MROH2A: variants seen among roughly 807,000 people sequenced by gnomAD.
MROH2A encodes maestro heat like repeat family member 2A.
A neutral mutation model predicts 200.4 loss-of-function variants in MROH2A; 174 were observed. That is an observed-to-expected ratio of 0.87 (90% CI 0.77 to 0.98). The LOEUF (loss-of-function observed/expected upper bound fraction) is 0.98. Ranked by LOEUF, MROH2A falls within the 50% of genes least tolerant of loss-of-function variation. MROH2A has a pLI of 0.00. For missense variants in MROH2A, 2,045 were observed against 2,139.6 expected (o/e 0.96, Z 0.87); for synonymous variants, 829 against 840.4 (o/e 0.99, Z 0.23).
intron 38 of MROH2A, among the ~76,000 whole-genome samples, chr2:233,830,123 C>G (rs890230319): frequency 7.9e-5 from 12 of 152,308 alleles, no homozygotes; most frequent in African/African-American, 2.4e-4. Flanking sequence ...CTCAAAATAC[C>G]CCAAAGTGGT....
chr2:233,811,982 C>A (rs755468055), intron 24 of MROH2A, 23 bp downstream of exon 24: 22 of 1,499,900 alleles, frequency 1.5e-5, no homozygotes, highest in African/African-American at 5.1e-5. Flanking sequence ...CCCACCCTCA[C>A]CCCATCCCAA....
At chr2:233,804,833 T>C (rs11563243) in intron 18 of MROH2A, among the ~76,000 whole-genome samples, 171 bp from the exon 19 acceptor site, 1 of 151,816 alleles carries the variant, frequency 6.6e-6, no homozygotes, top group African/African-American at 2.4e-5. Flanking sequence ...GACCCACAGA[T>C]CATTATTAGC....
In MROH2A at chr2:233,800,286, A is replaced by G. The variant is rs1200527917; in HGVS notation, c.1531A>G (p.Ile511Val). The change falls in exon 14 of 42, where the codon ATT (isoleucine) becomes GTT (valine). Residue 511 changes from isoleucine to valine, a missense_variant. This residue lies in a region of MROH2A where 831 missense variants were observed against 800.0 expected (regional missense o/e 1.04). Coordinates refer to ENST00000389758, the MANE Select transcript of MROH2A (RefSeq NM_001394639.1). ...AGTCACCATGGACACTGTGAAGATC[A>G]TTACCTCTTCTGTCAGTGGGATGAC... ...HKVTMDTVKI[I>V]TSSVSGMTTE... 1 of 1,548,544 alleles carries G rather than the reference A, an allele frequency of 6.5e-7. No individual in the cohort carries two copies. Among genetic ancestry groups the G allele is most frequent in the Non-Finnish European group, 8.7e-7 (1 of 1,145,458 alleles).
intron 7 of MROH2A, among the ~76,000 whole-genome samples, chr2:233,794,159 A>T (rs1701957055): frequency 6.6e-6 from 1 of 152,212 alleles, no homozygotes; most frequent in African/African-American, 2.4e-5. Flanking sequence ...AAACTCAGGC[A>T]CAGAGGGGTT....
At position 233,814,635 on chromosome 2, in the gene MROH2A, G is replaced by T; in HGVS notation, c.2814G>T (p.Leu938=). ...SSLEQLMESL[L]QRQLDPKGLQ... ...TGGAGCAGCTGATGGAGAGCCTCCT[G>T]CAGAGGCAGCTGGACCCCAAGGGGC... Residue 938 remains leucine, a synonymous_variant, in exon 26 of 42, where the codon CTG becomes CTT. Coordinates refer to ENST00000389758, the MANE Select transcript of MROH2A (RefSeq NM_001394639.1). The T allele has an allele frequency of 6.4e-7, 1 of 1,550,480 alleles. No homozygotes were observed. The highest frequency in any genetic ancestry group is 8.7e-7 in the Non-Finnish European group (1 of 1,146,924).
At chr2:233,792,468 A>G (rs967868034) in intron 5 of MROH2A, among the ~76,000 whole-genome samples, 2 of 151,616 alleles carry the variant, frequency 1.3e-5, no homozygotes, top group African/African-American at 2.4e-5. Flanking sequence ...GCCTGCCAAC[A>G]CGCCCGGCCA....
intron 22 of MROH2A, among the ~76,000 whole-genome samples, chr2:233,810,539 A>T (rs1419349887): frequency 6.6e-6 from 1 of 152,244 alleles, no homozygotes; most frequent in East Asian, 1.9e-4. Flanking sequence ...ATGGGGACAC[A>T]GCCAAACTAT....
intron 5 of MROH2A, among the ~76,000 whole-genome samples, chr2:233,790,248 C>T (rs1473501537): frequency 1.4e-5 from 2 of 143,334 alleles, no homozygotes; most frequent in Non-Finnish European, 3.0e-5. Context: ...CCTCCACCTG[C>T]ATTGTTCTGT....
At position 233,779,657 on chromosome 2, in the gene MROH2A, G is replaced by A. The variant is rs773293370; in HGVS notation, c.95-14G>A. The A allele has an allele frequency of 1.2e-4, 186 of 1,549,948 alleles. 1 individual carries two copies. Among genetic ancestry groups the A allele is most frequent in the Non-Finnish European group, 1.6e-4 (179 of 1,146,560 alleles). ...CATTTCCACACTGCACCTGGGTGGC[G>A]TTTGTTTTCATAGGTACCTTTCAAC... On this transcript the variant is annotated splice_polypyrimidine_tract_variant and intron_variant, in intron 2 of 41. Transcript: ENST00000389758.
At chr2:233,811,218 T>G (rs1703135485) in intron 23 of MROH2A, among the ~76,000 whole-genome samples, 1 of 152,350 alleles carries the variant, frequency 6.6e-6, no homozygotes, top group African/African-American at 2.4e-5. Context: ...CCGGCTTGGC[T>G]GTAGCTTCCC....
chr2:233,803,782 G>A (rs1702623106), intron 16 of MROH2A, among the ~76,000 whole-genome samples: 1 of 152,136 alleles, frequency 6.6e-6, no homozygotes, highest in Non-Finnish European at 1.5e-5. Context: ...GGTTGGCTCA[G>A]TCCAGGACCC....
chr2:233,806,650 G>A (rs139715093), intron 19 of MROH2A, among the ~76,000 whole-genome samples: 136 of 152,176 alleles, frequency 8.9e-4, no homozygotes, highest in Middle Eastern at 3.4e-3. Context: ...AAATTGGTGC[G>A]CTTAGGTTTG....
rs751011124 is a variant in MROH2A, at chr2:233,799,792, A to G, written c.1342A>G (p.Ile448Val). The change falls in exon 13 of 42, where the codon ATT (isoleucine) becomes GTT (valine). Residue 448 changes from isoleucine (I) to valine (V), a missense_variant. Ile to Val is a conservative substitution (Grantham distance 29). This residue lies in a region of MROH2A where 831 missense variants were observed against 800.0 expected (regional missense o/e 1.04). Coordinates refer to ENST00000389758, the MANE Select transcript of MROH2A (RefSeq NM_001394639.1). ...CCTGTCCCCTCAGGTGAGGATGGCT[A>G]TTCTCCACATCATTGGGCAGTTGGC... is the stretch of plus-strand genomic sequence containing the variant. ...SDTRSKVRMA[I>V]LHIIGQLALC... 8.8e-5 allele frequency: 137 copies of G among 1,550,306 alleles called. No homozygotes were observed. The highest frequency in any genetic ancestry group is 8.8e-4 in the African/African-American group (64 of 72,984).
rs1160068341 is a variant in MROH2A, at chr2:233,832,242, CTT to C, written c.4801_4802del (p.Leu1601ValfsTer59). 3.2e-6 allele frequency: 5 copies of C among 1,550,726 alleles called. No individual in the cohort carries two copies. The highest frequency in any genetic ancestry group is 3.9e-5 in the Admixed American group (2 of 50,994). On this transcript the variant is annotated frameshift_variant, in exon 40 of 42. Coordinates refer to ENST00000389758, the MANE Select transcript of MROH2A (RefSeq NM_001394639.1). LOFTEE classifies it high-confidence loss of function. ...LETMAYVKNNLSRIRIAACNL... is the reference protein window; with the variant it reads ...LETMAYVKNNXSRIRIAACNL... ...AAACAATGGCCTATGTTAAAAATAA[CTT>C]GTCAAGAATCAGAATCGCTGCTTGC...
In MROH2A at chr2:233,804,170, G is replaced by A. The variant is rs1157942067; in HGVS notation, c.1869G>A (p.Ala623=). Residue 623 remains alanine, a synonymous_variant, in exon 17 of 42, where the codon GCG becomes GCA. Coordinates refer to ENST00000389758, the MANE Select transcript of MROH2A (RefSeq NM_001394639.1). The part of the protein sequence containing the change: ...SMADMWELEI[A]LLVRYLEEHT... ...CCGACATGTGGGAGCTGGAGATTGC[G>A]CTACTGGTCCGGTACCTGGAAGGTG... 14 of 1,550,424 alleles carry A rather than the reference G, an allele frequency of 9.0e-6. No homozygotes were observed. Among genetic ancestry groups the A allele is most frequent in the East Asian group, 4.9e-5 (2 of 40,912 alleles).
chr2:233,789,754 A>G, intron 4 of MROH2A, 98 bp from the exon 5 acceptor site: 1 of 1,480,182 alleles, frequency 6.8e-7, no homozygotes, highest in East Asian at 2.5e-5. Flanking sequence ...GGCTGAGCCC[A>G]AGGGAACCAG....
chr2:233,808,272 G>A (rs1702932223), intron 21 of MROH2A, among the ~76,000 whole-genome samples: 1 of 152,126 alleles, frequency 6.6e-6, no homozygotes, highest in Non-Finnish European at 1.5e-5. Context: ...ACGGTGCTGG[G>A]ATTGAGGGGC....
chr2:233,807,979 A>T lies in MROH2A; in HGVS notation c.2295+124A>T. On this transcript the variant is annotated intron_variant, in intron 21 of 41. Transcript: ENST00000389758. The surrounding 1 kb of genome is among the most constrained non-coding windows in gnomAD (Gnocchi z 4.3). The stretch of plus-strand genomic sequence containing the variant: ...CCTCACACGGAGTCTCCTGTCATCA[A>T]AATGGCTGAGACATTGTCTTACTCT... The T allele has an allele frequency of 8.0e-7, 1 of 1,248,978 alleles. No individual in the cohort carries two copies. The highest frequency in any genetic ancestry group is 1.1e-6 in the Non-Finnish European group (1 of 893,798). 77.4% of individuals were successfully genotyped at this position (1,248,978 alleles called of 1,614,324 possible).
chr2:233,820,054 G>A lies in MROH2A; in HGVS notation c.3510G>A (p.Glu1170=). ...TCCTGAGGCAGCCACTGCCCATGGA[G>A]AGGTGGGTGCCCTGGAGGAGGTGGC... ...TSLLRQPLPM[E]SHLAEVWLAV... is the part of the protein sequence containing the mutation. Residue 1170 remains glutamate, a splice_region_variant and synonymous_variant, in exon 31 of 42, where the codon GAG becomes GAA. Transcript: ENST00000389758. The surrounding 1 kb of genome is among the most constrained non-coding windows in gnomAD (Gnocchi z 4.1). 2 of 1,517,906 alleles carry A rather than the reference G, an allele frequency of 1.3e-6. No homozygotes were observed. Among genetic ancestry groups the A allele is most frequent in the Non-Finnish European group, 1.8e-6 (2 of 1,125,726 alleles). The allele number at this position is 1,517,906 out of a possible 1,614,324, so 94.0% of individuals were successfully genotyped here. A position where few individuals can be genotyped will look rare whatever the true frequency, so the allele number is the denominator to read the frequency against.
Sources: gnomAD v4.1 joint callset for allele counts (sites outside exome capture counted in the v4.1 genomes callset) on GRCh38, gnomAD v4.1.1 for gene constraint, gnomAD v4.1.1 regional missense constraint, Gnocchi (gnomAD v3.1) non-coding constraint, MANE v1.5 for transcripts, NCBI Gene and HGNC (gene_info 2026-07-23, HGNC 2026-07-21) for gene names.